Variants in BPTF observed in about 807,000 individuals in gnomAD.
The protein encoded by BPTF is bromodomain PHD finger transcription factor.
BPTF carries 18 observed loss-of-function variants against 292.5 expected under a neutral mutation model. The ratio of observed to expected loss-of-function variants is 0.06; its 90% CI spans 0.04 to 0.09. The LOEUF is 0.09. BPTF is among the 10% of genes least tolerant of loss of function. The pLI, the probability that BPTF is intolerant of heterozygous loss-of-function variation, is 1.00. For missense variants in BPTF, 2,726 were observed against 3,498.7 expected, an observed-to-expected ratio of 0.78 and a Z score of 5.57; for synonymous variants, 1,225 against 1,251.9, an observed-to-expected ratio of 0.98 and a Z score of 0.45.
Position 67,924,532 on chromosome 17 carries a change from CT to C in BPTF, c.5709-8del, listed in dbSNP as rs746898153. The C allele has an allele frequency of 3.1e-6, 5 of 1,611,108 alleles. No individual in the cohort carries two copies. The highest frequency in any genetic ancestry group is 1.1e-5 in the South Asian group (1 of 90,488). On this transcript the variant is annotated splice_polypyrimidine_tract_variant and intron_variant, in intron 14 of 27. Coordinates refer to ENST00000306378, the MANE Select transcript of BPTF (RefSeq NM_182641.4). ...CAGGCTAGTTTCTGATAAGTTTCTC[CT>C]TTTTTTCCTGCAGAGTGGAGAAAGA...
At chr17:67,928,906 C>T (rs1598729458) in intron 16 of BPTF, 3 of 1,180,826 alleles carry the variant, frequency 2.5e-6, no homozygotes, top group East Asian at 4.4e-5. Flanking sequence ...GAAGTCACTA[C>T]GTTGCTGGTT....
intron 2 of BPTF, among the ~76,000 whole-genome samples, chr17:67,860,136 A>T (rs1391192091): frequency 1.3e-5 from 2 of 152,290 alleles, no homozygotes; most frequent in East Asian, 3.9e-4. Flanking sequence ...GGCAAATAGG[A>T]TTATCTTTTT....
chr17:67,880,178 C>T lies in BPTF; in HGVS notation c.1864+5158C>T, dbSNP rs530922134. Among the ~76,000 whole-genome samples, 5 of 152,084 alleles carry T rather than the reference C, an allele frequency of 3.3e-5. No homozygotes were observed. The South Asian group carries it at 8.3e-4, about 25-fold the overall frequency. Reference sequence around the variant, plus strand: ...AATCTGGAAATTCGTTACCTGCCCCCGTTAATCGTGTTGTGAGGCTGTTAG... The same window carrying T: ...AATCTGGAAATTCGTTACCTGCCCCTGTTAATCGTGTTGTGAGGCTGTTAG... On this transcript the variant is annotated intron_variant, in intron 4 of 27. Transcript: ENST00000306378.
intron 3 of BPTF, among the ~76,000 whole-genome samples, chr17:67,868,164 T>A (rs1221906237): frequency 1.3e-5 from 2 of 152,214 alleles, no homozygotes; most frequent in Non-Finnish European, 2.9e-5. Context: ...TTTATTTTTT[T>A]AAGTTATAAA....
rs1428641841 is a variant in BPTF, at chr17:67,865,219, C to T, written c.1437-1245C>T. 4.6e-5 allele frequency among the ~76,000 whole-genome samples: 7 copies of T among 152,162 alleles called. No individual in the cohort carries two copies. The East Asian group carries it at 9.6e-4, about 21-fold the overall frequency. On this transcript the variant is annotated intron_variant, in intron 2 of 27. Coordinates refer to ENST00000306378, the MANE Select transcript of BPTF (RefSeq NM_182641.4). ...TGGAGCATTTTGGATTTCAGATTTT[C>T]GGATTAAGGGAACTCCACCCATATC...
At chr17:67,896,870 A>G (rs2061485462) in intron 7 of BPTF, among the ~76,000 whole-genome samples, 1 of 152,218 alleles carries the variant, frequency 6.6e-6, no homozygotes, top group Non-Finnish European at 1.5e-5. Flanking sequence ...TTAATTAGCT[A>G]GGGATACATC....
intron 4 of BPTF, among the ~76,000 whole-genome samples, chr17:67,883,801 A>G (rs1326061756): frequency 1.3e-5 from 2 of 152,160 alleles, no homozygotes; most frequent in Non-Finnish European, 2.9e-5. Flanking sequence ...GGGTTTCACC[A>G]TGTTGGCCAG....
At chr17:67,841,479 A>T (rs2057553595) in intron 1 of BPTF, among the ~76,000 whole-genome samples, 1 of 152,172 alleles carries the variant, frequency 6.6e-6, no homozygotes, top group African/African-American at 2.4e-5. Flanking sequence ...TATTAGCAGT[A>T]ATATAATACT....
At chr17:67,925,992 C>CT (rs60083535) in intron 15 of BPTF, among the ~76,000 whole-genome samples, 25,599 of 56,580 alleles carry the variant, frequency 0.45, 11,113 homozygotes, top group Non-Finnish European at 0.63. Flanking sequence ...TAACATATTA[C>CT]TTTTTTTTTT....
chr17:67,975,509 A>G (rs782032820), intron 26 of BPTF: 62 of 325,262 alleles, frequency 1.9e-4, no homozygotes, highest in Non-Finnish European at 3.0e-4. Context: ...AACCATTTGA[A>G]TGAAGAACGG....
chr17:67,854,178 A>G lies in BPTF; in HGVS notation c.852A>G (p.Ala284=). The part of the protein sequence containing the change: ...LVSQEQCTLM[A]EMHVVLLKAV... Reference sequence around the variant, plus strand: ...GCCAAGAGCAGTGCACACTCATGGCAGAGATGCATGTTGTGCTTTTGAAAG... The same window carrying G: ...GCCAAGAGCAGTGCACACTCATGGCGGAGATGCATGTTGTGCTTTTGAAAG... The change falls in exon 2 of 28, where the codon GCA becomes GCG. Residue 284 remains alanine (A), a synonymous_variant. Coordinates refer to ENST00000306378, the MANE Select transcript of BPTF (RefSeq NM_182641.4). This position sits in a 1 kb window ranked among gnomAD's most constrained non-coding sequence, Gnocchi z 5.6. The G allele has an allele frequency of 6.2e-7, 1 of 1,614,200 alleles. No individual in the cohort carries two copies. Among genetic ancestry groups the G allele is most frequent in the Non-Finnish European group, 8.5e-7 (1 of 1,180,032 alleles).
At chr17:67,913,674 T>G (rs1403213807) in intron 11 of BPTF, among the ~76,000 whole-genome samples, 2 of 152,206 alleles carry the variant, frequency 1.3e-5, no homozygotes, top group African/African-American at 2.4e-5. Flanking sequence ...GTTTTGGAGT[T>G]CTCTGTTATT....
At chr17:67,962,747 GAATTA>G (rs1227233017) in intron 24 of BPTF, among the ~76,000 whole-genome samples, 18 of 152,224 alleles carry the variant, frequency 1.2e-4, no homozygotes, top group African/African-American at 3.4e-4. Flanking sequence ...GGTAGAGATT[GAATTA>G]CTCTATGTAC....
At chr17:67,879,294 A>T (rs1310736386) in intron 4 of BPTF, among the ~76,000 whole-genome samples, 4 of 151,948 alleles carry the variant, frequency 2.6e-5, no homozygotes, top group African/African-American at 9.7e-5. Flanking sequence ...GGTGCCCACC[A>T]CCACGTCTGG....
rs544905785 is a variant in BPTF, at chr17:67,854,616, G to A, written c.1290G>A (p.Gln430=). 3 of 1,614,256 alleles carry A rather than the reference G, an allele frequency of 1.9e-6. No homozygotes were observed. Among genetic ancestry groups the A allele is most frequent in the South Asian group, 2.2e-5 (2 of 91,090 alleles). ...PLEEVPEDEW[Q]CEVCVAHKVP... Reference sequence around the variant, plus strand: ...AGGAGGTGCCAGAGGACGAGTGGCAGTGTGAAGTCTGTGTAGCACACAAGG... The same window carrying A: ...AGGAGGTGCCAGAGGACGAGTGGCAATGTGAAGTCTGTGTAGCACACAAGG... The change falls in exon 2 of 28, where the codon CAG becomes CAA. Residue 430 remains glutamine (Q), a synonymous_variant. Transcript: ENST00000306378. The surrounding 1 kb of genome is among the most constrained non-coding windows in gnomAD (Gnocchi z 5.6).
intron 20 of BPTF, among the ~76,000 whole-genome samples, chr17:67,945,114 T>C (rs6504556): frequency 0.9 from 137,161 of 152,236 alleles, 63,599 homozygotes; most frequent in East Asian, 1. Context: ...CTGCTTACTG[T>C]AGCCTTGAAC....
intron 2 of BPTF, among the ~76,000 whole-genome samples, chr17:67,860,232 A>G (rs1376035614): frequency 6.6e-6 from 1 of 152,208 alleles, no homozygotes; most frequent in African/African-American, 2.4e-5. Flanking sequence ...AATTTTGACA[A>G]ATCTGAAAGA....
At chr17:67,832,437 T>C (rs534272860) in intron 1 of BPTF, among the ~76,000 whole-genome samples, 2 of 152,304 alleles carry the variant, frequency 1.3e-5, no homozygotes, top group Admixed American at 6.5e-5. Flanking sequence ...ATTTTGTGAT[T>C]GTCACATTTT....
intron 3 of BPTF, among the ~76,000 whole-genome samples, chr17:67,871,911 T>C (rs1359141141): frequency 6.6e-6 from 1 of 152,088 alleles, no homozygotes; most frequent in African/African-American, 2.4e-5. Flanking sequence ...CTGCAACCTC[T>C]GTCTCCTAGG....
Sources: allele counts gnomAD v4.1 joint callset (sites outside exome capture counted in the v4.1 genomes callset), GRCh38; gene constraint gnomAD v4.1.1; non-coding constraint Gnocchi (gnomAD v3.1); transcripts MANE v1.5; gene names NCBI Gene and HGNC (gene_info 2026-07-23, HGNC 2026-07-21).